CEACAM5: variants seen among roughly 807,000 people sequenced by gnomAD.
CEACAM5 encodes the protein CEA cell adhesion molecule 5.
CEACAM5 carries 52 observed loss-of-function variants against 63.0 expected under a neutral mutation model. The observed-to-expected ratio is 0.83, with a 90% confidence interval of 0.66 to 1.04. The LOEUF (loss-of-function observed/expected upper bound fraction) is 1.04, where lower values mean the gene tolerates loss of function less well. Ranked by LOEUF, CEACAM5 falls within the 50% of genes least tolerant of loss-of-function variation. CEACAM5 has a pLI of 0.00. For missense variants in CEACAM5, 790 were observed against 864.8 expected (o/e 0.91, Z 1.08); for synonymous variants, 357 against 351.3 (o/e 1.02, Z -0.18).
intron 6 of CEACAM5, 134 bp downstream of exon 6, chr19:41,718,516 G>A: frequency 1.1e-6 from 1 of 881,626 alleles, no homozygotes; most frequent in African/African-American, 1.7e-5. Context: ...TCAATCCTGA[G>A]CACTCCCAAT....
At chr19:41,710,181 A>G (rs2072414309) in intron 2 of CEACAM5, 142 bp downstream of exon 2, 3 of 1,230,820 alleles carry the variant, frequency 2.4e-6, no homozygotes, top group Non-Finnish European at 3.4e-6. Context: ...CAGGATACAC[A>G]CAGAAGAGAC....
intron 4 of CEACAM5, among the ~76,000 whole-genome samples, chr19:41,717,078 G>A (rs2072538005): frequency 6.6e-6 from 1 of 152,194 alleles, no homozygotes; most frequent in Non-Finnish European, 1.5e-5. Context: ...GGGTGGTGTG[G>A]GACTGTGCAG....
chr19:41,724,644 A>G (rs2072672590), intron 8 of CEACAM5, among the ~76,000 whole-genome samples: 1 of 152,140 alleles, frequency 6.6e-6, no homozygotes, highest in Admixed American at 6.5e-5. Flanking sequence ...AATTTCCTTC[A>G]GCAGTGTTTT....
chr19:41,709,933 C>T lies in CEACAM5; in HGVS notation c.318C>T (p.Ser106=), dbSNP rs1043373118. ...SGREIIYPNA[S]LLIQNIIQND... ...GAGAGATAATATACCCCAATGCATC[C>T]CTGCTGATCCAGAACATCATCCAGA... Residue 106 remains serine (S), a synonymous_variant, in exon 2 of 10, where the codon TCC becomes TCT. Transcript: ENST00000221992. The T allele has an allele frequency of 8.7e-6, 14 of 1,614,050 alleles. No homozygotes were observed. The highest frequency in any genetic ancestry group is 1.3e-5 in the African/African-American group (1 of 74,992).
chr19:41,727,177 C>A, intron 8 of CEACAM5, 57 bp from the exon 9 acceptor site: 1 of 1,329,404 alleles, frequency 7.5e-7, no homozygotes, highest in Non-Finnish European at 1.1e-6. Context: ...GGGCACCCCA[C>A]TGTAAAATAA....
At chr19:41,712,628 G>A (rs2072453756) in intron 2 of CEACAM5, among the ~76,000 whole-genome samples, 1 of 152,146 alleles carries the variant, frequency 6.6e-6, no homozygotes, top group Non-Finnish European at 1.5e-5. Flanking sequence ...CTCTTAACAG[G>A]TCTCACATCC....
intron 8 of CEACAM5, among the ~76,000 whole-genome samples, chr19:41,726,542 T>C (rs1444779317): frequency 6.6e-6 from 1 of 152,030 alleles, no homozygotes; most frequent in Admixed American, 6.5e-5. Context: ...AAGATGGAAT[T>C]AGAGGTGCAA....
chr19:41,709,448 C>A (rs1432269527), intron 1 of CEACAM5, among the ~76,000 whole-genome samples: 1 of 151,976 alleles, frequency 6.6e-6, no homozygotes, highest in Non-Finnish European at 1.5e-5. Flanking sequence ...GCCGTGAAGA[C>A]CCCTGGAAAA....
At position 41,715,065 on chromosome 19, in the gene CEACAM5, C is replaced by G. The variant is rs115472929; in HGVS notation, c.519C>G (p.Asp173Glu). 2.5e-6 allele frequency: 4 copies of G among 1,614,176 alleles called. No individual in the cohort carries two copies. The highest frequency in any genetic ancestry group is 3.4e-6 in the Non-Finnish European group (4 of 1,180,030). Reference sequence around the variant, plus strand: ...TCACCTGTGAACCTGAGACTCAGGACGCAACCTACCTGTGGTGGGTAAACA... The same window carrying G: ...TCACCTGTGAACCTGAGACTCAGGAGGCAACCTACCTGTGGTGGGTAAACA... ...VAFTCEPETQ[D>E]ATYLWWVNNQ... is the part of the protein sequence containing the mutation. The change falls in exon 3 of 10, where the codon GAC (aspartate) becomes GAG (glutamate). Residue 173 changes from aspartate to glutamate, a missense_variant. Coordinates refer to ENST00000221992, the MANE Select transcript of CEACAM5 (RefSeq NM_004363.6).
At chr19:41,716,003 C>A in intron 4 of CEACAM5, 99 bp downstream of exon 4, 1 of 1,385,082 alleles carries the variant, frequency 7.2e-7, no homozygotes, top group Non-Finnish European at 1.0e-6. Flanking sequence ...CAGCCTGTGT[C>A]CAGTGGGCAC....
At chr19:41,712,634 C>T (rs1194355843) in intron 2 of CEACAM5, among the ~76,000 whole-genome samples, 15 of 152,230 alleles carry the variant, frequency 9.9e-5, no homozygotes, top group Admixed American at 9.8e-4. Context: ...ACAGGTCTCA[C>T]ATCCCTCTCT....
At chr19:41,727,971 A>G (rs1353188361) in intron 9 of CEACAM5, among the ~76,000 whole-genome samples, 12 of 152,244 alleles carry the variant, frequency 7.9e-5, no homozygotes, top group Admixed American at 7.2e-4. Context: ...AAAACATGTC[A>G]AACAGGGTGA....
chr19:41,718,781 C>A (rs1305189435), intron 6 of CEACAM5, among the ~76,000 whole-genome samples: 1 of 152,242 alleles, frequency 6.6e-6, no homozygotes, highest in Non-Finnish European at 1.5e-5. Flanking sequence ...GGCTTTGAAA[C>A]AAGCTCACAC....
rs782314675 is a variant in CEACAM5, at chr19:41,720,220, C to G, written c.1771+12C>G. 1.2e-6 allele frequency: 2 copies of G among 1,610,106 alleles called. No individual in the cohort carries two copies. The highest frequency in any genetic ancestry group is 1.1e-5 in the South Asian group (1 of 90,774). Reference sequence around the variant, plus strand: ...CCTGGATGTCCTCTGTGAGTATCTTCTGTTCCTCTGTGGCCCTGGTTTCCA... The same window carrying G: ...CCTGGATGTCCTCTGTGAGTATCTTGTGTTCCTCTGTGGCCCTGGTTTCCA... On this transcript the variant is annotated intron_variant, in intron 7 of 9. Coordinates refer to ENST00000221992, the MANE Select transcript of CEACAM5 (RefSeq NM_004363.6).
At chr19:41,709,128 C>A (rs1431402864) in intron 1 of CEACAM5, among the ~76,000 whole-genome samples, 2 of 152,236 alleles carry the variant, frequency 1.3e-5, no homozygotes, top group African/African-American at 4.8e-5. Context: ...GGAAAATAAG[C>A]CCCAGGCTGT....
At chr19:41,727,382 G>A (rs2072715429) in intron 9 of CEACAM5, 30 bp downstream of exon 9, 2 of 1,089,268 alleles carry the variant, frequency 1.8e-6, no homozygotes, top group Admixed American at 3.7e-5. Flanking sequence ...CTCTTGTTCT[G>A]TTTCCTGCAG....
At chr19:41,717,314 T>C in intron 4 of CEACAM5, 141 bp from the exon 5 acceptor site, 1 of 886,344 alleles carries the variant, frequency 1.1e-6, no homozygotes, top group East Asian at 2.4e-5. Context: ...TGCATCTGTC[T>C]TGTGACGCAC....
Position 41,709,979 on chromosome 19 carries a change from C to A in CEACAM5, c.364C>A (p.Leu122Ile), listed in dbSNP as rs781988963. ...CCAGAATGACACAGGATTCTACACC[C>A]TACACGTCATAAAGTCAGATCTTGT... ...IIQNDTGFYT[L>I]HVIKSDLVNE... Residue 122 changes from leucine to isoleucine, a missense_variant, in exon 2 of 10, where the codon CTA becomes ATA. Leu to Ile is a conservative substitution (Grantham distance 5). Transcript: ENST00000221992. The A allele has an allele frequency of 6.2e-7, 1 of 1,613,300 alleles. No homozygotes were observed. The highest frequency in any genetic ancestry group is 8.5e-7 in the Non-Finnish European group (1 of 1,179,548).
At chr19:41,711,372 A>G (rs2072432833) in intron 2 of CEACAM5, among the ~76,000 whole-genome samples, 1 of 152,180 alleles carries the variant, frequency 6.6e-6, no homozygotes, top group Non-Finnish European at 1.5e-5. Flanking sequence ...CCCTGTGCCA[A>G]CAGAGGCCCA....
Sources: allele counts gnomAD v4.1 joint callset (sites outside exome capture counted in the v4.1 genomes callset), GRCh38; gene constraint gnomAD v4.1.1; transcripts MANE v1.5; gene names NCBI Gene and HGNC (gene_info 2026-07-23, HGNC 2026-07-21).